The following DNAAF1 variants were observed in gnomAD, a reference collection of about 807,000 sequenced individuals.
DNAAF1 encodes dynein axonemal assembly factor 1.
A neutral mutation model predicts 71.1 loss-of-function variants in DNAAF1; 65 were observed. The ratio of observed to expected loss-of-function variants is 0.91; its 90% CI spans 0.75 to 1.12. The LOEUF (loss-of-function observed/expected upper bound fraction) is 1.12. Among genes scored for constraint, DNAAF1 ranks in the 50% most tolerant of loss-of-function variants. DNAAF1 has a pLI of 0.00. For synonymous variants in DNAAF1, 414 were observed against 354.6 expected, an observed-to-expected ratio of 1.17 and a Z score of -1.88; for missense variants, 1,178 against 899.8, an observed-to-expected ratio of 1.31 and a Z score of -3.96.
Position 84,146,441 on chromosome 16 carries a change from G to A in DNAAF1, c.124+877G>A, listed in dbSNP as rs562259902. On this transcript the variant is annotated intron_variant, in intron 1 of 11. Coordinates refer to ENST00000378553, the MANE Select transcript of DNAAF1 (RefSeq NM_178452.6). ...CTTGAAAGATAACCTTCATGGCCAG[G>A]CACGGTGGCTCACGCCTGTAATCCC... Among the ~76,000 whole-genome samples the A allele has an allele frequency of 1.8e-3, 280 of 152,246 alleles. 2 individuals are homozygous for A. Among genetic ancestry groups the A allele is most frequent in the African/African-American group, 6.4e-3 (268 of 41,552 alleles).
In DNAAF1 at chr16:84,177,774, T is replaced by C. The variant is rs751593392; in HGVS notation, c.2111T>C (p.Val704Ala). 2.5e-6 allele frequency: 4 copies of C among 1,613,920 alleles called. No homozygotes were observed. The East Asian group carries it at 6.7e-5, about 27-fold the overall frequency. Residue 704 changes from valine to alanine, a missense_variant, in exon 12 of 12, where the codon GTT becomes GCT. Physicochemically the swap from Val to Ala is moderately conservative, Grantham distance 64. Coordinates refer to ENST00000378553, the MANE Select transcript of DNAAF1 (RefSeq NM_178452.6). ...ACACCCCCAGAGACGTGTGTCGGAGTTGCCCAGCCCAGCCAAGCTCTGCCC... is the reference window on the plus strand; with the variant it reads ...ACACCCCCAGAGACGTGTGTCGGAGCTGCCCAGCCCAGCCAAGCTCTGCCC... ...AATPPETCVG[V>A]AQPSQALPTW...
rs1215012440 is a variant in DNAAF1 at position 84,159,635 on chromosome 16, T to A, written c.742-40T>A. ...GCACATATAAAATAATTCAATCGCA[T>A]CTTTCAGTAATCATTTTGGTTCTGC... On this transcript the variant is annotated intron_variant, in intron 5 of 11. Transcript: ENST00000378553. 3.4e-5 allele frequency: 54 copies of A among 1,581,810 alleles called. 1 individual carries two copies. Among genetic ancestry groups the A allele is most frequent in the Non-Finnish European group, 4.6e-5 (53 of 1,162,574 alleles).
intron 2 of DNAAF1, among the ~76,000 whole-genome samples, chr16:84,149,355 G>C (rs2087074131): frequency 6.6e-6 from 1 of 152,264 alleles, no homozygotes; most frequent in East Asian, 1.9e-4. Context: ...AACAGCAGTA[G>C]TTCCTCATGA....
At position 84,154,049 on chromosome 16, in the gene DNAAF1, G is replaced by A. The variant is rs555233353; in HGVS notation, c.353-528G>A. ...GACTCTGATAGGCTGCCAGAGAGCC[G>A]TTGGGTGATATTAGGAAAAGGATGG... is the stretch of plus-strand genomic sequence containing the variant. On this transcript the variant is annotated intron_variant, in intron 3 of 11. Transcript: ENST00000378553. Among the ~76,000 whole-genome samples the A allele has an allele frequency of 3.5e-4, 54 of 152,280 alleles. 1 individual carries two copies. Among genetic ancestry groups the A allele is most frequent in the Middle Eastern group, 6.8e-3 (2 of 294 alleles).
Position 84,167,971 on chromosome 16 carries a change from C to T in DNAAF1, c.1031-1888C>T, listed in dbSNP as rs900802416. Reference sequence around the variant, plus strand: ...GGCAGAGGTTGCAGCGAGCCGAGATCGCACCATCGCACTCCAGCCTGGGCG... The same window carrying T: ...GGCAGAGGTTGCAGCGAGCCGAGATTGCACCATCGCACTCCAGCCTGGGCG... On this transcript the variant is annotated intron_variant, in intron 7 of 11. Transcript: ENST00000378553. Among the ~76,000 whole-genome samples, 9 of 151,664 alleles carry T rather than the reference C, an allele frequency of 5.9e-5. No individual in the cohort carries two copies. The East Asian group carries it at 7.7e-4, about 13-fold the overall frequency.
intron 7 of DNAAF1, among the ~76,000 whole-genome samples, chr16:84,168,562 G>A (rs2088146083): frequency 6.6e-6 from 1 of 152,102 alleles, no homozygotes; most frequent in Non-Finnish European, 1.5e-5. Context: ...ACAGACGTGA[G>A]CCACTGCACC....
intron 6 of DNAAF1, among the ~76,000 whole-genome samples, chr16:84,163,108 T>A (rs1019926688): frequency 6.6e-6 from 1 of 152,222 alleles, no homozygotes; most frequent in African/African-American, 2.4e-5. Context: ...CCATCAACTT[T>A]CAGAAATTAG....
intron 5 of DNAAF1, chr16:84,159,125 C>G: frequency 1.0e-6 from 1 of 992,066 alleles, no homozygotes; most frequent in Non-Finnish European, 1.2e-6. Flanking sequence ...ATTGCCGAGC[C>G]CCTTCCTCCT....
Position 84,149,070 on chromosome 16 carries a change from A to C in DNAAF1, c.188A>C (p.Lys63Thr). The C allele has an allele frequency of 1.2e-6, 2 of 1,614,158 alleles. No homozygotes were observed. Among genetic ancestry groups the C allele is most frequent in the Non-Finnish European group, 1.7e-6 (2 of 1,180,028 alleles). ...SSDTSYHSQQ[K>T]QSGDNGSGGH... is the part of the protein sequence containing the mutation. ...GACACATCCTACCACAGCCAGCAGA[A>C]ACAGAGTGGTGATAATGGGTCAGGT... The change falls in exon 2 of 12, where the codon AAA becomes ACA. Residue 63 changes from lysine (K) to threonine (T), a missense_variant. Coordinates refer to ENST00000378553, the MANE Select transcript of DNAAF1 (RefSeq NM_178452.6).
In DNAAF1 at chr16:84,177,762, C is replaced by A. The variant is rs761384380; in HGVS notation, c.2099C>A (p.Thr700Lys). 1.2e-6 allele frequency: 2 copies of A among 1,614,028 alleles called. No homozygotes were observed. Among genetic ancestry groups the A allele is most frequent in the East Asian group, 4.5e-5 (2 of 44,884 alleles). Residue 700 changes from threonine to lysine, a missense_variant, in exon 12 of 12, where the codon ACG (threonine) becomes AAG (lysine). Coordinates refer to ENST00000378553, the MANE Select transcript of DNAAF1 (RefSeq NM_178452.6). ...GAGAGCGCCGCCACACCCCCAGAGA[C>A]GTGTGTCGGAGTTGCCCAGCCCAGC... ...PTESAATPPE[T>K]CVGVAQPSQA... is the part of the protein sequence containing the mutation.
chr16:84,171,430 T>C (rs754330502), intron 8 of DNAAF1, among the ~76,000 whole-genome samples: 13 of 151,940 alleles, frequency 8.6e-5, no homozygotes, highest in South Asian at 4.2e-4. Context: ...CCAGCCGGGG[T>C]GACAGAGTGA....
chr16:84,169,684 G>A (rs565148124), intron 7 of DNAAF1, among the ~76,000 whole-genome samples, 175 bp from the exon 8 acceptor site: 3 of 151,892 alleles, frequency 2.0e-5, no homozygotes, highest in South Asian at 4.2e-4. Context: ...GCCTCCCAAA[G>A]TGCTGGGATT....
intron 9 of DNAAF1, chr16:84,172,737 GAGTTACATTGTATCATC>G (rs769102001): frequency 7.7e-6 from 9 of 1,165,252 alleles, no homozygotes; most frequent in Non-Finnish European, 6.4e-6. Flanking sequence ...TTCGTGGTGA[GAGTTACATTGTATCATC>G]AGTTACATTG....
rs764334492 is a variant in DNAAF1 at position 84,170,310 on chromosome 16, C to A, written c.1482C>A (p.Leu494=). Residue 494 remains leucine, a synonymous_variant, in exon 8 of 12, where the codon CTC becomes CTA. Transcript: ENST00000378553. ...GAGATCGAGAGCCAGAGGGGACCCT[C>A]CCAGCTGAGGCCCCACCACCACCGC... The part of the protein sequence containing the change: ...EDGDREPEGT[L]PAEAPPPPPL... 2 of 1,611,944 alleles carry A rather than the reference C, an allele frequency of 1.2e-6. No homozygotes were observed. The highest frequency in any genetic ancestry group is 1.7e-6 in the Non-Finnish European group (2 of 1,179,078).
intron 6 of DNAAF1, among the ~76,000 whole-genome samples, chr16:84,160,765 G>T (rs933933367): frequency 2.6e-5 from 4 of 151,270 alleles, no homozygotes; most frequent in South Asian, 2.1e-4. Flanking sequence ...AAACCGCGTC[G>T]CTACTAAAAG....
At position 84,176,107 on chromosome 16, in the gene DNAAF1, T is replaced by G. The variant is rs2088639029; in HGVS notation, c.1873T>G (p.Phe625Val). 1.5e-5 allele frequency: 24 copies of G among 1,613,914 alleles called. No homozygotes were observed. In the East Asian group the frequency reaches 1.6e-4, roughly 10 times the overall value. ...KAARVPFTDIFKKEAKRDLEI... is the reference protein window; with the variant it reads ...KAARVPFTDIVKKEAKRDLEI... ...GGCTCGGGTGCCCTTCACAGACATCTTTAAAAAAGAAGCTAAGAGGGACTT... is the reference window on the plus strand; with the variant it reads ...GGCTCGGGTGCCCTTCACAGACATCGTTAAAAAAGAAGCTAAGAGGGACTT... The change falls in exon 11 of 12, where the codon TTT becomes GTT. Residue 625 changes from phenylalanine to valine, a missense_variant. Transcript: ENST00000378553.
intron 3 of DNAAF1, 55 bp from the exon 4 acceptor site, chr16:84,154,522 G>C: frequency 1.3e-6 from 2 of 1,523,228 alleles, no homozygotes; most frequent in African/African-American, 1.4e-5. Flanking sequence ...GGGTGACCGT[G>C]ACCCCTCTGC....
Position 84,155,761 on chromosome 16 carries a change from AAAC to A in DNAAF1, c.741+15_741+17del. ...GCATGCCCGATTTGGTAAAAAACAA[AAAC>A]AAAAACAACGAAAAAGCACCACAGG... On this transcript the variant is annotated intron_variant, in intron 5 of 11. Transcript: ENST00000378553. The A allele has an allele frequency of 6.2e-7, 1 of 1,614,032 alleles. No homozygotes were observed. Among genetic ancestry groups the A allele is most frequent in the African/African-American group, 1.3e-5 (1 of 75,018 alleles).
intron 5 of DNAAF1, among the ~76,000 whole-genome samples, chr16:84,157,908 A>G (rs2087516585): frequency 6.6e-6 from 1 of 152,158 alleles, no homozygotes; most frequent in Non-Finnish European, 1.5e-5. Context: ...CTTAACCAAT[A>G]CAAATTTATT....
Sources: allele counts gnomAD v4.1 joint callset (sites outside exome capture counted in the v4.1 genomes callset), GRCh38; gene constraint gnomAD v4.1.1; transcripts MANE v1.5; gene names NCBI Gene and HGNC (gene_info 2026-07-23, HGNC 2026-07-21).